AMOT: variants seen among roughly 807,000 people sequenced by gnomAD.
AMOT encodes the protein angiomotin.
In AMOT, 11 loss-of-function variants were observed where a neutral mutation model predicts 67.0. The ratio of observed to expected loss-of-function variants is 0.16; its 90% CI spans 0.10 to 0.27. The LOEUF (loss-of-function observed/expected upper bound fraction) is 0.27. Among genes scored for constraint, AMOT ranks in the 10% least tolerant of loss-of-function variants. The pLI is 1.00. For synonymous variants in AMOT, 326 were observed against 321.4 expected (o/e 1.01, Z -0.15); for missense variants, 753 against 852.0 (o/e 0.88, Z 1.45).
chrX:112,783,965 G>T (rs1933284667), intron 10 of AMOT, among the ~76,000 whole-genome samples: 1 of 111,118 alleles, frequency 9.0e-6, no homozygotes, highest in Admixed American at 9.6e-5. Context: ...AAAAGAGGCA[G>T]AAAGTTGCTA....
chrX:112,797,682 G>T (rs1350132225), intron 8 of AMOT, among the ~76,000 whole-genome samples: 1 of 111,311 alleles, frequency 9.0e-6, no homozygotes, highest in Non-Finnish European at 1.9e-5. Flanking sequence ...CTGGGTGGCG[G>T]AGGCAGGAGA....
chrX:112,812,620 T>C (rs1483075420), intron 5 of AMOT, among the ~76,000 whole-genome samples: 2 of 112,155 alleles, frequency 1.8e-5, no homozygotes, highest in Non-Finnish European at 3.8e-5. Flanking sequence ...CACACAGATA[T>C]TTGCATATAA....
intron 1 of AMOT, among the ~76,000 whole-genome samples, chrX:112,832,853 C>T (rs891958939): frequency 9.0e-6 from 1 of 111,207 alleles, no homozygotes; most frequent in Non-Finnish European, 1.9e-5. Context: ...GCAGGTGTGG[C>T]ATCCAGCAGG....
chrX:112,777,838 T>A lies in AMOT; in HGVS notation c.*729A>T, dbSNP rs1274920008. The A allele has an allele frequency of 8.9e-6, 1 of 112,094 alleles. No homozygotes were observed. Among genetic ancestry groups the A allele is most frequent in the African/African-American group, 3.3e-5 (1 of 30,688 alleles). 9.2% of individuals were successfully genotyped at this position (112,094 alleles called of 1,213,427 possible). A position where few individuals can be genotyped will look rare whatever the true frequency, so the allele number is the denominator to read the frequency against. ...ACTCAGTTAATGTACTCTCCCAGCA[T>A]CTGAAAGCAATATATTAATTATCCA... On this transcript the variant is annotated 3_prime_UTR_variant, in exon 14 of 14. Transcript: ENST00000371959.
intron 7 of AMOT, among the ~76,000 whole-genome samples, chrX:112,806,025 T>C (rs993834312): frequency 3.6e-5 from 4 of 110,909 alleles, no homozygotes; most frequent in Non-Finnish European, 7.6e-5. Flanking sequence ...CCCAGTACTT[T>C]GGGAGGCTGC....
chrX:112,778,451 T>TA lies in AMOT; in HGVS notation c.*115dup, dbSNP rs200904208. The TA allele has an allele frequency of 2.1e-3, 1,346 of 644,956 alleles. 16 individuals are homozygous for TA. The African/African-American group carries it at 0.026, about 12-fold the overall frequency. 53.2% of individuals were successfully genotyped at this position (644,956 alleles called of 1,213,427 possible). On this transcript the variant is annotated 3_prime_UTR_variant, in exon 14 of 14. Coordinates refer to ENST00000371959, the MANE Select transcript of AMOT (RefSeq NM_001113490.2). ...ACATTGTTCCAATAAAAAGTCCTGT[T>TA]AAAAAACATCCCCTCCCCACAACCC...
chrX:112,837,775 A>G (rs969937364), intron 1 of AMOT, among the ~76,000 whole-genome samples: 2 of 112,004 alleles, frequency 1.8e-5, no homozygotes, highest in African/African-American at 6.5e-5. Flanking sequence ...TAAAACACCA[A>G]CAAAAATTCC....
At chrX:112,794,079 G>A (rs1393801864) in intron 8 of AMOT, among the ~76,000 whole-genome samples, 1 of 112,141 alleles carries the variant, frequency 8.9e-6, no homozygotes, top group Admixed American at 9.5e-5. Context: ...TAATTACTAA[G>A]GCTTGCAGCA....
intron 4 of AMOT, 114 bp downstream of exon 4, chrX:112,822,141 A>G (rs1934730987): frequency 8.3e-6 from 8 of 959,834 alleles, no homozygotes; most frequent in Non-Finnish European, 1.1e-5. Context: ...CCTGTCATGC[A>G]TTGCAGAGTT....
At chrX:112,786,767 G>C (rs751497877) in intron 10 of AMOT, among the ~76,000 whole-genome samples, 39 of 112,276 alleles carry the variant, frequency 3.5e-4, no homozygotes, top group Non-Finnish European at 7.1e-4. Context: ...CCATTTAGTA[G>C]CTGTGTGTGA....
In AMOT at chrX:112,784,857, G is replaced by A. The variant is rs1194425892; in HGVS notation, c.2118-2195C>T. On this transcript the variant is annotated intron_variant, in intron 10 of 13. Coordinates refer to ENST00000371959, the MANE Select transcript of AMOT (RefSeq NM_001113490.2). ...GGAACTGAGCATACGGTTTGTCACTGGGGGAACTAGTGCTGGCCTGCTGCC... is the reference window on the plus strand; with the variant it reads ...GGAACTGAGCATACGGTTTGTCACTAGGGGAACTAGTGCTGGCCTGCTGCC... 2.7e-5 allele frequency among the ~76,000 whole-genome samples: 3 copies of A among 112,069 alleles called. No homozygotes were observed. In the Admixed American group the frequency reaches 2.8e-4, roughly 11 times the overall value.
intron 1 of AMOT, among the ~76,000 whole-genome samples, chrX:112,833,401 C>A (rs1230000672): frequency 3.8e-5 from 4 of 104,842 alleles, no homozygotes; most frequent in Non-Finnish European, 7.8e-5. Context: ...AGCACCAGGT[C>A]AGAAAATTCA....
chrX:112,809,546 C>G (rs1934290314), intron 7 of AMOT, among the ~76,000 whole-genome samples: 1 of 111,366 alleles, frequency 9.0e-6, no homozygotes, highest in African/African-American at 3.3e-5. Context: ...CTACCAGAGC[C>G]AACACACAGT....
Position 112,815,765 on chromosome X carries a change from T to A in AMOT, c.985A>T (p.Thr329Ser). The change falls in exon 5 of 14, where the codon ACT (threonine) becomes TCT (serine). Residue 329 changes from threonine (T) to serine (S), a missense_variant. Physicochemically the swap from Thr to Ser is moderately conservative, Grantham distance 58. Transcript: ENST00000371959. The stretch of plus-strand genomic sequence containing the variant: ...GGGTGTCGGGCAGGAGACAATCTAG[T>A]GGATGGTGGAGATTGTAGCAAGGGC... ...SLPLLQSPPS[T>S]RLSPARHPLV... 8.6e-7 allele frequency: 1 copy of A among 1,166,726 alleles called. No individual in the cohort carries two copies. The highest frequency in any genetic ancestry group is 3.3e-5 in the East Asian group (1 of 30,731).
intron 1 of AMOT, among the ~76,000 whole-genome samples, chrX:112,839,642 C>T (rs980686180): frequency 5.4e-5 from 6 of 111,232 alleles, no homozygotes; most frequent in Non-Finnish European, 1.1e-4. Context: ...CTACTTAGTC[C>T]CTTTATGCAA....
In AMOT at chrX:112,790,770, A is replaced by G. The variant is rs1933543993; in HGVS notation, c.1939T>C (p.Cys647Arg). Residue 647 changes from cysteine (C) to arginine (R), a missense_variant, in exon 10 of 14, where the codon TGT becomes CGT. Transcript: ENST00000371959. ...TATTCTGAAACGTTGGTGGGCTGAC[A>G]GTTGCCCTGACGCTGTTGGGGCAGA... ...SLRIQQRQGN[C>R]QPTNVSEYNA... is the part of the protein sequence containing the mutation. 8.4e-7 allele frequency: 1 copy of G among 1,187,790 alleles called. No individual in the cohort carries two copies. The highest frequency in any genetic ancestry group is 2.3e-5 in the Admixed American group (1 of 44,071).
intron 5 of AMOT, among the ~76,000 whole-genome samples, chrX:112,814,360 T>C (rs73544275): frequency 0.023 from 2,558 of 111,506 alleles, 86 homozygotes; most frequent in African/African-American, 0.079. Context: ...TGGTGTCTGT[T>C]TACAAATACT....
chrX:112,832,667 C>A (rs758962129), intron 1 of AMOT, among the ~76,000 whole-genome samples: 3 of 112,194 alleles, frequency 2.7e-5, no homozygotes, highest in Non-Finnish European at 3.8e-5. Flanking sequence ...GAGTGAGCTG[C>A]ATCTAAAAGA....
Position 112,779,602 on chromosome X carries a change from A to G in AMOT, c.2552T>C (p.Leu851Pro). ...GCTGCCTGTCTTGGAGTGAGCCGAG[A>G]GCAGGGGAGTCGAGGGTGGCACAGG... ...PSPVPPSTPL[L>P]SAHSKTGSRD... Residue 851 changes from leucine (L) to proline (P), a missense_variant, in exon 13 of 14, where the codon CTC becomes CCC. Leu to Pro is a moderately conservative substitution (Grantham distance 98, BLOSUM62 -3). Around this residue, in one of 5 missense-constraint regions of AMOT, gnomAD observed 269 missense variants for 300.9 expected, o/e 0.89. Coordinates refer to ENST00000371959, the MANE Select transcript of AMOT (RefSeq NM_001113490.2). 1 of 1,211,046 alleles carries G rather than the reference A, an allele frequency of 8.3e-7. No individual in the cohort carries two copies. The highest frequency in any genetic ancestry group is 1.1e-6 in the Non-Finnish European group (1 of 895,425).
Sources: gnomAD v4.1 joint callset for allele counts (sites outside exome capture counted in the v4.1 genomes callset) on GRCh38, gnomAD v4.1.1 for gene constraint, gnomAD v4.1.1 regional missense constraint, MANE v1.5 for transcripts, NCBI Gene and HGNC (gene_info 2026-07-23, HGNC 2026-07-21) for gene names.